ANKFY1: variants seen among roughly 807,000 people sequenced by gnomAD.
The protein encoded by ANKFY1 is ankyrin repeat and FYVE domain-containing protein 1.
In ANKFY1, 47 loss-of-function variants were observed where a neutral mutation model predicts 128.3. The observed-to-expected ratio is 0.37, with a 90% CI of 0.29 to 0.47. The LOEUF is 0.47. Among genes scored for constraint, ANKFY1 ranks in the 20% least tolerant of loss-of-function variants. ANKFY1 has a pLI of 1.00. For missense variants in ANKFY1, 1,222 were observed against 1,510.6 expected (o/e 0.81, Z 3.17); for synonymous variants, 553 against 601.6 (o/e 0.92, Z 1.18).
intron 4 of ANKFY1, among the ~76,000 whole-genome samples, chr17:4,215,628 C>T (rs2060209274): frequency 1.3e-5 from 2 of 152,178 alleles, no homozygotes. Flanking sequence ...TAACTCGATA[C>T]TCATATCTAA....
intron 3 of ANKFY1, among the ~76,000 whole-genome samples, chr17:4,220,032 C>A (rs1848932392): frequency 6.6e-6 from 1 of 152,156 alleles, no homozygotes; most frequent in Non-Finnish European, 1.5e-5. Context: ...ACCATGTTAG[C>A]CAGACTGGTC....
chr17:4,220,193 T>G (rs1308040528), intron 3 of ANKFY1, among the ~76,000 whole-genome samples: 3 of 152,300 alleles, frequency 2.0e-5, no homozygotes, highest in African/African-American at 7.2e-5. Context: ...CTAATTAGAT[T>G]TATTTAAACA....
chr17:4,235,733 C>A (rs767363125), intron 3 of ANKFY1, 39 bp downstream of exon 3: 9 of 1,449,556 alleles, frequency 6.2e-6, no homozygotes, highest in African/African-American at 1.4e-5. Flanking sequence ...AGAGCCCTTC[C>A]GCTAGCAGTT....
At chr17:4,183,282 T>C (rs1253050287) in intron 14 of ANKFY1, 116 bp downstream of exon 14, 6 of 1,266,380 alleles carry the variant, frequency 4.7e-6, no homozygotes, top group Non-Finnish European at 6.6e-6. Flanking sequence ...AGAGCTACTG[T>C]TTCCTTTCCT....
intron 3 of ANKFY1, among the ~76,000 whole-genome samples, chr17:4,220,921 G>C (rs1452418527): frequency 1.3e-5 from 2 of 152,230 alleles, no homozygotes; most frequent in Non-Finnish European, 2.9e-5. Flanking sequence ...TGGCCTCCGA[G>C]TCCTGCGTGA....
intron 12 of ANKFY1, 150 bp from the exon 13 acceptor site, chr17:4,184,060 A>T: frequency 1.5e-6 from 1 of 665,948 alleles, no homozygotes; most frequent in South Asian, 2.0e-5. Context: ...CAAGACTCAA[A>T]GCCCAGAAAT....
chr17:4,171,898 G>C (rs929076795), intron 22 of ANKFY1, among the ~76,000 whole-genome samples: 2 of 152,232 alleles, frequency 1.3e-5, no homozygotes, highest in African/African-American at 4.8e-5. Flanking sequence ...GCTGCGCAGA[G>C]GGCTCTGGGC....
intron 2 of ANKFY1, among the ~76,000 whole-genome samples, chr17:4,241,888 G>C (rs113413625): frequency 9.6e-4 from 146 of 151,772 alleles, no homozygotes; most frequent in African/African-American, 3.5e-3. Context: ...AGGAGACCAA[G>C]ACCATCCTGG....
chr17:4,234,383 T>G (rs991655089), intron 3 of ANKFY1, among the ~76,000 whole-genome samples: 4 of 152,214 alleles, frequency 2.6e-5, no homozygotes, highest in Non-Finnish European at 2.9e-5. Flanking sequence ...AATGCAACCT[T>G]CAGGTCAACT....
In ANKFY1 at chr17:4,196,038, CA is replaced by C. The variant is rs1366689621; in HGVS notation, c.1104-568del. The stretch of plus-strand genomic sequence containing the variant: ...GCACCTACCCACCCACCCCCCCCAC[CA>C]CCCCCCACCCACACAGTGAGTCAGG... On this transcript the variant is annotated intron_variant, in intron 8 of 24. Transcript: ENST00000341657. 1.5e-4 allele frequency among the ~76,000 whole-genome samples: 11 copies of C among 74,968 alleles called. 1 individual carries two copies. The highest frequency in any genetic ancestry group is 1.9e-4 in the African/African-American group (4 of 20,854). The allele number at this position is 74,968 out of a possible 152,430, so 49.2% of individuals were successfully genotyped here.
At chr17:4,217,416 G>A (rs2060239544) in intron 3 of ANKFY1, among the ~76,000 whole-genome samples, 1 of 152,122 alleles carries the variant, frequency 6.6e-6, no homozygotes, top group South Asian at 2.1e-4. Flanking sequence ...CGGGCCTGGT[G>A]GCGTGCACCT....
At chr17:4,256,093 G>C (rs955360433) in intron 1 of ANKFY1, among the ~76,000 whole-genome samples, 2 of 151,888 alleles carry the variant, frequency 1.3e-5, no homozygotes, top group Admixed American at 6.6e-5. Context: ...TGGGATTACA[G>C]GTGTGAGGCA....
At position 4,178,470 on chromosome 17, in the gene ANKFY1, CA is replaced by C; in HGVS notation, c.2598+386del. On this transcript the variant is annotated intron_variant, in intron 18 of 24. Coordinates refer to ENST00000341657, the MANE Select transcript of ANKFY1 (RefSeq NM_001330063.2). The surrounding 1 kb of genome is among the most constrained non-coding windows in gnomAD (Gnocchi z 4.1). Reference sequence around the variant, plus strand: ...AACAAGGACAGCCGAGGCTACTGAGCAACTGAACTCCTCGGAAACACTCAGG... The same window carrying C: ...AACAAGGACAGCCGAGGCTACTGAGCACTGAACTCCTCGGAAACACTCAGG... 1 of 236,562 alleles carries C rather than the reference CA, an allele frequency of 4.2e-6. No homozygotes were observed. Among genetic ancestry groups the C allele is most frequent in the Non-Finnish European group, 8.6e-6 (1 of 116,026 alleles). 14.7% of individuals were successfully genotyped at this position (236,562 alleles called of 1,614,324 possible).
rs2060141750 is a variant in ANKFY1, at chr17:4,211,982, T to C, written c.459-2035A>G. Among the ~76,000 whole-genome samples the C allele has an allele frequency of 2.0e-5, 3 of 152,110 alleles. No homozygotes were observed. The South Asian group carries it at 6.2e-4, about 32-fold the overall frequency. ...TGAAGGCAGGCAAATAGGTCTCTGG[T>C]AGCAAAAGCAGGACCACATTGTAGT... On this transcript the variant is annotated intron_variant, in intron 4 of 24. Coordinates refer to ENST00000341657, the MANE Select transcript of ANKFY1 (RefSeq NM_001330063.2).
chr17:4,202,480 C>T (rs1177259494), intron 7 of ANKFY1, among the ~76,000 whole-genome samples: 5 of 150,860 alleles, frequency 3.3e-5, no homozygotes, highest in South Asian at 4.2e-4. Context: ...GGGCGGATCA[C>T]GAGGTCAGGA....
At chr17:4,235,565 T>C (rs1466189413) in intron 3 of ANKFY1, among the ~76,000 whole-genome samples, 2 of 152,188 alleles carry the variant, frequency 1.3e-5, no homozygotes, top group African/African-American at 4.8e-5. Context: ...GTTAGCCAGG[T>C]ATTACCTCCT....
intron 11 of ANKFY1, chr17:4,188,794 T>C: frequency 6.8e-6 from 1 of 146,606 alleles, no homozygotes; most frequent in East Asian, 2.0e-4. Context: ...TGAATCCAGG[T>C]GGCAGAGGTT....
At chr17:4,174,115 T>C (rs879199492) in intron 19 of ANKFY1, 59 bp from the exon 20 acceptor site, 7 of 1,573,054 alleles carry the variant, frequency 4.4e-6, no homozygotes, top group Non-Finnish European at 6.1e-6. Flanking sequence ...ATCCCCCTTA[T>C]GGGGGCCGAG....
chr17:4,195,180 G>A lies in ANKFY1; in HGVS notation c.1173-3C>T. ...GGTCTTTGAGTTCTAAATCTAGTCT[G>A]AAAAGCAGAAGCAGTGTCAACAGCA... On this transcript the variant is annotated splice_region_variant and splice_polypyrimidine_tract_variant and intron_variant, in intron 9 of 24. Coordinates refer to ENST00000341657, the MANE Select transcript of ANKFY1 (RefSeq NM_001330063.2). The A allele has an allele frequency of 1.2e-6, 2 of 1,601,434 alleles. No individual in the cohort carries two copies. Among genetic ancestry groups the A allele is most frequent in the Middle Eastern group, 1.7e-4 (1 of 5,978 alleles).
Sources: allele counts gnomAD v4.1 joint callset (sites outside exome capture counted in the v4.1 genomes callset), GRCh38; gene constraint gnomAD v4.1.1; non-coding constraint Gnocchi (gnomAD v3.1); transcripts MANE v1.5; gene names NCBI Gene and HGNC (gene_info 2026-07-23, HGNC 2026-07-21).